The following EPS15L1 variants were observed in gnomAD, a reference collection of about 807,000 sequenced individuals.
EPS15L1 encodes epidermal growth factor receptor substrate 15-like 1.
Under a neutral mutation model 117.1 loss-of-function variants are expected in EPS15L1, and 43 were observed. That is an observed-to-expected ratio of 0.37 (90% CI 0.29 to 0.47). EPS15L1 has a LOEUF of 0.47. EPS15L1 is among the 20% of genes least tolerant of loss of function. EPS15L1 has a pLI of 0.99. For synonymous variants in EPS15L1, 459 were observed against 470.5 expected, an observed-to-expected ratio of 0.98 and a Z score of 0.32; for missense variants, 981 against 1,164.0, an observed-to-expected ratio of 0.84 and a Z score of 2.29.
chr19:16,365,755 G>A lies in EPS15L1; in HGVS notation c.2381-3771C>T, dbSNP rs991500430. ...AGGGTCCCTCACCACTCTGCTTCCC[G>A]TGGCACTGGCCTCTGGCACGGCTGA... On this transcript the variant is annotated intron_variant, in intron 22 of 23. Coordinates refer to ENST00000455140, the MANE Select transcript of EPS15L1 (RefSeq NM_001258374.3). The surrounding 1 kb of genome is among the most constrained non-coding windows in gnomAD (Gnocchi z 4.9). Among the ~76,000 whole-genome samples, 8 of 152,312 alleles carry A rather than the reference G, an allele frequency of 5.3e-5. No individual in the cohort carries two copies. Among genetic ancestry groups the A allele is most frequent in the East Asian group, 3.9e-4 (2 of 5,190 alleles).
chr19:16,464,604 T>C (rs1267168390), intron 1 of EPS15L1, among the ~76,000 whole-genome samples: 1 of 152,178 alleles, frequency 6.6e-6, no homozygotes, highest in Non-Finnish European at 1.5e-5. Flanking sequence ...ACCTGCAGCC[T>C]CTCAGCTCTG....
chr19:16,432,429 G>A (rs2092937793), intron 7 of EPS15L1, among the ~76,000 whole-genome samples: 1 of 152,174 alleles, frequency 6.6e-6, no homozygotes, highest in African/African-American at 2.4e-5. Flanking sequence ...TTAGCCAGGC[G>A]TGGTGGCGGG....
intron 1 of EPS15L1, among the ~76,000 whole-genome samples, chr19:16,461,081 G>A (rs1437482424): frequency 7.9e-5 from 12 of 151,994 alleles, no homozygotes; most frequent in African/African-American, 1.4e-4. Context: ...CGAGGCGGGC[G>A]GATCATGAGG....
At chr19:16,385,572 T>C (rs1405191313) in intron 20 of EPS15L1, among the ~76,000 whole-genome samples, 1 of 152,174 alleles carries the variant, frequency 6.6e-6, no homozygotes, top group Non-Finnish European at 1.5e-5. Context: ...CAGGGTGGTG[T>C]CTTTGGATAG....
rs2092957603 is a variant in EPS15L1 at position 16,434,248 on chromosome 19, T to C, written c.498+117A>G. On this transcript the variant is annotated intron_variant, in intron 7 of 23. Transcript: ENST00000455140. ...CAGGAGCGCTGATGAAAGCCCCTGA[T>C]GGCACAGGGAGAAAACAGAGCAAGA... The C allele has an allele frequency of 4.4e-6, 6 of 1,359,968 alleles. No homozygotes were observed. The South Asian group carries it at 5.6e-5, about 13-fold the overall frequency. The allele number at this position is 1,359,968 out of a possible 1,614,324, so 84.2% of individuals were successfully genotyped here.
Position 16,441,925 on chromosome 19 carries a change from C to T in EPS15L1, c.132G>A (p.Lys44=), listed in dbSNP as rs774221727. The T allele has an allele frequency of 4.3e-6, 7 of 1,613,982 alleles. No homozygotes were observed. The South Asian group carries it at 7.7e-5, about 18-fold the overall frequency. ...VGASEAALFL[K]KSGLSDIILG... Reference sequence around the variant, plus strand: ...GGATAATGTCCGAGAGGCCAGACTTCTTTAGAAAAAGCGCAGCTTCACTCG... The same window carrying T: ...GGATAATGTCCGAGAGGCCAGACTTTTTTAGAAAAAGCGCAGCTTCACTCG... Residue 44 remains lysine (K), a synonymous_variant, in exon 3 of 24, where the codon AAG becomes AAA. Transcript: ENST00000455140.
chr19:16,394,790 G>C (rs1358396315), intron 17 of EPS15L1, among the ~76,000 whole-genome samples: 2 of 152,184 alleles, frequency 1.3e-5, no homozygotes, highest in African/African-American at 4.8e-5. Flanking sequence ...TGAGGGATTA[G>C]GAAACTGAAG....
chr19:16,440,082 A>C (rs1481746633), intron 4 of EPS15L1, among the ~76,000 whole-genome samples: 2 of 148,730 alleles, frequency 1.3e-5, no homozygotes, highest in African/African-American at 2.5e-5. Flanking sequence ...AAAAAAAAAA[A>C]AACTCTGATT....
intron 22 of EPS15L1, among the ~76,000 whole-genome samples, chr19:16,367,599 G>A (rs563324176): frequency 6.7e-5 from 10 of 148,606 alleles, no homozygotes; most frequent in African/African-American, 2.5e-4. Context: ...TCGAGGCTGC[G>A]CACGCCCCTA....
intron 19 of EPS15L1, among the ~76,000 whole-genome samples, 182 bp from the exon 20 acceptor site, chr19:16,386,413 C>T (rs2092421468): frequency 6.6e-6 from 1 of 152,204 alleles, no homozygotes. Flanking sequence ...CTGCAGATAG[C>T]ACCTATCAAC....
At chr19:16,363,427 C>T (rs1049234235) in intron 22 of EPS15L1, among the ~76,000 whole-genome samples, 4 of 152,174 alleles carry the variant, frequency 2.6e-5, no homozygotes, top group African/African-American at 4.8e-5. Flanking sequence ...CTGCCTTCCT[C>T]ATCCGGTAGA....
chr19:16,375,856 G>T (rs754194688), intron 22 of EPS15L1, among the ~76,000 whole-genome samples: 1 of 152,218 alleles, frequency 6.6e-6, no homozygotes, highest in Non-Finnish European at 1.5e-5. Context: ...CAGCCCAGGG[G>T]ACAGGAGGAG....
intron 1 of EPS15L1, among the ~76,000 whole-genome samples, chr19:16,470,002 G>C (rs2093334883): frequency 1.3e-5 from 2 of 150,822 alleles, no homozygotes; most frequent in South Asian, 4.2e-4. Flanking sequence ...CAAGTGTAAA[G>C]AAGTGCTGAC....
At chr19:16,395,706 G>T (rs150379742) in intron 16 of EPS15L1, among the ~76,000 whole-genome samples, 3 of 152,294 alleles carry the variant, frequency 2.0e-5, no homozygotes, top group African/African-American at 7.2e-5. Context: ...CACTTTGGGA[G>T]GCCAAAGCAG....
intron 9 of EPS15L1, among the ~76,000 whole-genome samples, chr19:16,423,042 G>A (rs561388178): frequency 1.3e-5 from 2 of 152,178 alleles, no homozygotes; most frequent in African/African-American, 2.4e-5. Context: ...TGAGGAGAAG[G>A]GACTCATGGT....
chr19:16,428,442 A>AGGAAGGAGGGAG (rs1555758322), intron 8 of EPS15L1, among the ~76,000 whole-genome samples: 1 of 112,674 alleles, frequency 8.9e-6, no homozygotes, highest in Non-Finnish European at 1.7e-5. Flanking sequence ...GAAGGAAGGA[A>AGGAAGGAGGGAG]GGAGGGAGGG....
intron 15 of EPS15L1, 150 bp downstream of exon 15, chr19:16,403,583 C>T (rs2092623923): frequency 2.7e-6 from 2 of 731,888 alleles, no homozygotes; most frequent in African/African-American, 3.5e-5. Flanking sequence ...AGTCCTTGGC[C>T]CTGCGCCTCC....
intron 16 of EPS15L1, 21 bp downstream of exon 16, chr19:16,402,300 A>C: frequency 6.3e-7 from 1 of 1,596,412 alleles, no homozygotes; most frequent in Non-Finnish European, 8.5e-7. Context: ...CCATACTGTA[A>C]TACGTTTATT....
intron 6 of EPS15L1, among the ~76,000 whole-genome samples, chr19:16,436,335 C>A (rs560275639): frequency 4.5e-4 from 69 of 152,314 alleles, no homozygotes; most frequent in African/African-American, 1.6e-3. Flanking sequence ...TGCTCACTTC[C>A]TTTAGAAGGA....
Sources: gnomAD v4.1 joint callset for allele counts (sites outside exome capture counted in the v4.1 genomes callset) on GRCh38, gnomAD v4.1.1 for gene constraint, Gnocchi (gnomAD v3.1) non-coding constraint, MANE v1.5 for transcripts, NCBI Gene and HGNC (gene_info 2026-07-23, HGNC 2026-07-21) for gene names.